DDAH1: variants seen among roughly 807,000 people sequenced by gnomAD.
The protein encoded by DDAH1 is N(G),N(G)-dimethylarginine dimethylaminohydrolase 1.
DDAH1 carries 19 observed loss-of-function variants against 28.8 expected under a neutral mutation model. That is an observed-to-expected ratio of 0.66 (90% CI 0.46 to 0.97). The LOEUF (loss-of-function observed/expected upper bound fraction) is 0.97. Ranked by LOEUF, DDAH1 falls within the 50% of genes least tolerant of loss-of-function variation. DDAH1 has a pLI of 0.00. For synonymous variants in DDAH1, 153 were observed against 154.4 expected, an observed-to-expected ratio of 0.99 and a Z score of 0.07; for missense variants, 326 against 375.9, an observed-to-expected ratio of 0.87 and a Z score of 1.10.
At chr1:85,332,194 C>T (rs1022933178) in intron 4 of DDAH1, among the ~76,000 whole-genome samples, 10 of 152,162 alleles carry the variant, frequency 6.6e-5, no homozygotes, top group African/African-American at 2.4e-4. Flanking sequence ...CTGCATTGTG[C>T]CCTGGGACCC....
chr1:85,555,769 A>C (rs1230503118), intron 1 of DDAH1, among the ~76,000 whole-genome samples: 2 of 152,114 alleles, frequency 1.3e-5, no homozygotes, highest in Non-Finnish European at 2.9e-5. Context: ...AACTGGTAAA[A>C]CCTAAAGGTC....
At chr1:85,542,646 A>C (rs1442115450) in intron 1 of DDAH1, among the ~76,000 whole-genome samples, 1 of 152,204 alleles carries the variant, frequency 6.6e-6, no homozygotes, top group Non-Finnish European at 1.5e-5. Context: ...TGGTTTATAA[A>C]AAGCTACCCA....
chr1:85,380,240 A>G (rs150430691), intron 1 of DDAH1: 14 of 152,332 alleles, frequency 9.2e-5, no homozygotes, highest in Admixed American at 7.8e-4. Context: ...CTGTTATGTA[A>G]AAATGTAACT....
rs146121062 is a variant in DDAH1 at position 85,372,577 on chromosome 1, G to GT, written c.304-13731dup. 9.8e-4 allele frequency among the ~76,000 whole-genome samples: 148 copies of GT among 151,726 alleles called. 1 individual carries two copies. Among genetic ancestry groups the GT allele is most frequent in the Middle Eastern group, 3.4e-3 (1 of 294 alleles). On this transcript the variant is annotated intron_variant, in intron 1 of 5. Transcript: ENST00000284031. ...AAGCCATATTTTTCTTGCCATTATA[G>GT]TTTTTTTCTCCTTTTAAAAAAGTTA...
At chr1:85,364,055 A>G (rs755206915) in intron 1 of DDAH1, among the ~76,000 whole-genome samples, 1 of 152,174 alleles carries the variant, frequency 6.6e-6, no homozygotes, top group Non-Finnish European at 1.5e-5. Flanking sequence ...GATGCTCACA[A>G]TAACTCCAAA....
At chr1:85,527,091 GTC>G (rs1163360704) in intron 1 of DDAH1, among the ~76,000 whole-genome samples, 1 of 152,174 alleles carries the variant, frequency 6.6e-6, no homozygotes, top group South Asian at 2.1e-4. Context: ...TTGTTTAAAT[GTC>G]TCTTTCCAAA....
At chr1:85,492,777 T>A (rs1210807540) in intron 2 of DDAH1, among the ~76,000 whole-genome samples, 6 of 152,214 alleles carry the variant, frequency 3.9e-5, no homozygotes, top group Non-Finnish European at 8.8e-5. Flanking sequence ...AGTCTATGTG[T>A]TAAATGACAT....
intron 2 of DDAH1, among the ~76,000 whole-genome samples, chr1:85,492,020 C>T (rs1656422828): frequency 6.6e-6 from 1 of 152,132 alleles, no homozygotes; most frequent in South Asian, 2.1e-4. Flanking sequence ...CATACATTAT[C>T]CTAATTCTTA....
At position 85,321,418 on chromosome 1, in the gene DDAH1, C is replaced by T. The variant is rs370768522; in HGVS notation, c.*34G>A. 1.6e-5 allele frequency: 22 copies of T among 1,409,450 alleles called. No homozygotes were observed. The highest frequency in any genetic ancestry group is 5.6e-5 in the African/African-American group (4 of 70,828). The allele number at this position is 1,409,450 out of a possible 1,614,324, so 87.3% of individuals were successfully genotyped here. A position where few individuals can be genotyped will look rare whatever the true frequency, so the allele number is the denominator to read the frequency against. On this transcript the variant is annotated 3_prime_UTR_variant, in exon 6 of 6. Transcript: ENST00000284031. ...CACAGAGTCATCGGCCTTGCCTGTG[C>T]GGTCTTGCCGGCTACCGGGGGGGAC...
chr1:85,337,849 A>T (rs1370182896), intron 4 of DDAH1, among the ~76,000 whole-genome samples: 1 of 152,212 alleles, frequency 6.6e-6, no homozygotes, highest in Non-Finnish European at 1.5e-5. Context: ...ATTTCCTTTA[A>T]AAGACACACT....
intron 1 of DDAH1, among the ~76,000 whole-genome samples, chr1:85,402,636 C>A (rs759368286): frequency 2.6e-5 from 4 of 152,056 alleles, no homozygotes; most frequent in Admixed American, 6.5e-5. Flanking sequence ...TCTGGCCGGA[C>A]GCGGTGGTTC....
At chr1:85,437,703 G>GT in intron 1 of DDAH1, among the ~76,000 whole-genome samples, 1 of 152,262 alleles carries the variant, frequency 6.6e-6, no homozygotes, top group South Asian at 2.1e-4. Flanking sequence ...GTTATATGCA[G>GT]TTTTTTTGTG....
chr1:85,465,367 A>G (rs1655334151), upstream of DDAH1, among the ~76,000 whole-genome samples: 1 of 152,130 alleles, frequency 6.6e-6, no homozygotes, highest in African/African-American at 2.4e-5. Flanking sequence ...GGCAAGAAGT[A>G]TGCGGAGGCG....
chr1:85,335,009 G>C (rs564845380), intron 4 of DDAH1, among the ~76,000 whole-genome samples: 3 of 152,204 alleles, frequency 2.0e-5, no homozygotes, highest in African/African-American at 7.2e-5. Context: ...TCATCACCAA[G>C]AGACCAGCCC....
intron 1 of DDAH1, among the ~76,000 whole-genome samples, chr1:85,523,758 G>A (rs1657769753): frequency 6.6e-6 from 1 of 152,208 alleles, no homozygotes; most frequent in Non-Finnish European, 1.5e-5. Flanking sequence ...GGAAGTGTGG[G>A]TGAAACTAGT....
At chr1:85,459,724 C>A (rs116337649) in intron 1 of DDAH1, among the ~76,000 whole-genome samples, 3,240 of 152,284 alleles carry the variant, frequency 0.021, 115 homozygotes, top group African/African-American at 0.073. Flanking sequence ...CAATCATCCA[C>A]TATGCTGGTA....
chr1:85,451,185 A>G (rs1000968291), intron 1 of DDAH1, among the ~76,000 whole-genome samples: 1 of 152,180 alleles, frequency 6.6e-6, no homozygotes, highest in Non-Finnish European at 1.5e-5. Flanking sequence ...ATGAATGCCA[A>G]CTGCTGGACA....
At position 85,512,037 on chromosome 1, in the gene DDAH1, A is replaced by G. The variant is rs868540083; in HGVS notation, c.-122-15756T>C. On this transcript the variant is annotated intron_variant, in intron 1 of 6. Coordinates refer to the DDAH1 transcript ENST00000426972. ...ATCCTGATACCAAAGCCTGGCAGAG[A>G]CACAACAAAAAAAGAGAATTTTAGA... is the stretch of plus-strand genomic sequence containing the variant. Among the ~76,000 whole-genome samples, 64 of 152,320 alleles carry G rather than the reference A, an allele frequency of 4.2e-4. No homozygotes were observed. The Middle Eastern group carries it at 0.01, about 24-fold the overall frequency.
intron 1 of DDAH1, among the ~76,000 whole-genome samples, chr1:85,540,985 G>A (rs1004732834): frequency 8.8e-5 from 12 of 136,776 alleles, no homozygotes; most frequent in African/African-American, 2.9e-4. Flanking sequence ...AAAAAAAAAT[G>A]TATATCTATA....
Sources: allele counts gnomAD v4.1 joint callset (sites outside exome capture counted in the v4.1 genomes callset), GRCh38; gene constraint gnomAD v4.1.1; transcripts MANE v1.5; gene names NCBI Gene and HGNC (gene_info 2026-07-23, HGNC 2026-07-21).